Variants in UNC13C observed in about 807,000 individuals in gnomAD.
UNC13C encodes the protein unc-13 homolog C.
UNC13C carries 174 observed loss-of-function variants against 245.4 expected under a neutral mutation model. The observed-to-expected ratio is 0.71, with a 90% CI of 0.63 to 0.80. The LOEUF (loss-of-function observed/expected upper bound fraction) is 0.80. Ranked by LOEUF, UNC13C falls within the 30% of genes least tolerant of loss-of-function variation. The pLI is 0.00. For missense variants in UNC13C, 2,829 were observed against 2,602.9 expected (o/e 1.09, Z -1.89); for synonymous variants, 992 against 895.1 (o/e 1.11, Z -1.93).
chr15:54,043,166 C>T (rs892758755), intron 2 of UNC13C, among the ~76,000 whole-genome samples: 2 of 151,804 alleles, frequency 1.3e-5, no homozygotes, highest in African/African-American at 2.4e-5. Context: ...TTTTTTTTCA[C>T]AAAGTGGCTA....
At chr15:54,093,446 T>A (rs1899677715) in intron 2 of UNC13C, among the ~76,000 whole-genome samples, 1 of 152,248 alleles carries the variant, frequency 6.6e-6, no homozygotes, top group Non-Finnish European at 1.5e-5. Flanking sequence ...ATGTATAATT[T>A]GATGATTAAC....
intron 13 of UNC13C, among the ~76,000 whole-genome samples, chr15:54,308,044 A>G (rs867908912): frequency 1.3e-5 from 2 of 151,932 alleles, no homozygotes; most frequent in Non-Finnish European, 2.9e-5. Context: ...CAACAATCTA[A>G]GAATCATAAT....
chr15:54,065,249 G>A (rs1033289086), intron 2 of UNC13C, among the ~76,000 whole-genome samples: 2 of 152,154 alleles, frequency 1.3e-5, no homozygotes, highest in Non-Finnish European at 2.9e-5. Flanking sequence ...CCTAACAAGG[G>A]AGCCAGCTAC....
chr15:54,282,224 G>A (rs1050154600), intron 10 of UNC13C, among the ~76,000 whole-genome samples: 1 of 152,026 alleles, frequency 6.6e-6, no homozygotes, highest in African/African-American at 2.4e-5. Context: ...CATGTATGTA[G>A]TTATATATAC....
intron 30 of UNC13C, among the ~76,000 whole-genome samples, chr15:54,614,442 C>A (rs146968855): frequency 6.6e-6 from 1 of 152,098 alleles, no homozygotes; most frequent in African/African-American, 2.4e-5. Flanking sequence ...TAACTTTCCC[C>A]TGTAGCTGTT....
At chr15:54,108,273 G>A (rs755457132) in intron 2 of UNC13C, among the ~76,000 whole-genome samples, 7 of 152,124 alleles carry the variant, frequency 4.6e-5, no homozygotes, top group Admixed American at 1.3e-4. Context: ...TGCAATCTCC[G>A]CCTCCAGGGT....
In UNC13C at chr15:54,457,407, G is replaced by A. The variant is rs533622746; in HGVS notation, c.4934-37201G>A. Among the ~76,000 whole-genome samples, 13 of 152,226 alleles carry A rather than the reference G, an allele frequency of 8.5e-5. 1 individual carries two copies. The South Asian group carries it at 1.7e-3, about 19-fold the overall frequency. The stretch of plus-strand genomic sequence containing the variant: ...CTGCCTTCATAGAATGAGTTAGGGA[G>A]GACTTCTTCTTTCTCTATCTTTTGG... On this transcript the variant is annotated intron_variant, in intron 19 of 32. Transcript: ENST00000260323.
chr15:54,023,221 A>G (rs1895973058), intron 2 of UNC13C, among the ~76,000 whole-genome samples: 1 of 152,236 alleles, frequency 6.6e-6, no homozygotes, highest in South Asian at 2.1e-4. Context: ...AAGGCCCAAC[A>G]TCATATAGCG....
At chr15:54,164,816 C>A (rs1412901478) in intron 4 of UNC13C, among the ~76,000 whole-genome samples, 1 of 152,146 alleles carries the variant, frequency 6.6e-6, no homozygotes, top group Non-Finnish European at 1.5e-5. Context: ...TAAAAAATCA[C>A]AGACAGCTCT....
chr15:53,851,804 G>T, the UNC13C span, among the ~76,000 whole-genome samples: 1 of 152,218 alleles, frequency 6.6e-6, no homozygotes, highest in African/African-American at 2.4e-5. Context: ...CAAGAAGACA[G>T]AGTTTGAGAG....
chr15:53,849,993 T>C, the UNC13C span, among the ~76,000 whole-genome samples: 1 of 152,244 alleles, frequency 6.6e-6, no homozygotes, highest in South Asian at 2.1e-4. Context: ...CTTTGTCTTG[T>C]CTGTAGATAC....
chr15:54,266,060 C>T (rs74013571), intron 10 of UNC13C, among the ~76,000 whole-genome samples: 3,825 of 151,890 alleles, frequency 0.025, 158 homozygotes, highest in African/African-American at 0.088. Flanking sequence ...TTTAACACTC[C>T]TTTGTAAAAA....
intron 10 of UNC13C, among the ~76,000 whole-genome samples, chr15:54,287,438 C>T (rs1194158751): frequency 6.6e-6 from 1 of 151,956 alleles, no homozygotes; most frequent in African/African-American, 2.4e-5. Flanking sequence ...TATTCTTTTC[C>T]TACTTGATCC....
At chr15:54,550,111 C>A (rs1267611504) in intron 28 of UNC13C, among the ~76,000 whole-genome samples, 2 of 152,120 alleles carry the variant, frequency 1.3e-5, no homozygotes, top group Non-Finnish European at 2.9e-5. Context: ...ATTTGAGATT[C>A]CCAAAACACT....
At chr15:54,598,047 T>C (rs1346629710) in intron 30 of UNC13C, among the ~76,000 whole-genome samples, 1 of 152,196 alleles carries the variant, frequency 6.6e-6, no homozygotes, top group African/African-American at 2.4e-5. Flanking sequence ...GTAAAAACTT[T>C]CCAGGCATAT....
intron 17 of UNC13C, among the ~76,000 whole-genome samples, chr15:54,350,894 A>G (rs942191698): frequency 3.3e-5 from 5 of 152,208 alleles, no homozygotes; most frequent in South Asian, 2.1e-4. Context: ...TTCATCTACA[A>G]TGTGCTTCTT....
chr15:54,402,892 T>G (rs1320132631), intron 18 of UNC13C, among the ~76,000 whole-genome samples: 1 of 152,212 alleles, frequency 6.6e-6, no homozygotes, highest in African/African-American at 2.4e-5. Flanking sequence ...TTGCAACATC[T>G]TTTAGGCTTT....
At chr15:54,274,839 T>C (rs1384750633) in intron 10 of UNC13C, among the ~76,000 whole-genome samples, 1 of 151,874 alleles carries the variant, frequency 6.6e-6, no homozygotes, top group African/African-American at 2.4e-5. Flanking sequence ...GCCCAGCTAA[T>C]TTTTGTATTT....
intron 17 of UNC13C, among the ~76,000 whole-genome samples, chr15:54,361,859 G>C (rs1433595638): frequency 6.6e-6 from 1 of 152,222 alleles, no homozygotes; most frequent in African/African-American, 2.4e-5. Context: ...GACTTATAGA[G>C]AGTACAAGAA....
Sources: gnomAD v4.1 joint callset for allele counts (sites outside exome capture counted in the v4.1 genomes callset) on GRCh38, gnomAD v4.1.1 for gene constraint, MANE v1.5 for transcripts, NCBI Gene and HGNC (gene_info 2026-07-23, HGNC 2026-07-21) for gene names.